The following CCNT1 variants were observed in gnomAD, a reference collection of about 807,000 sequenced individuals.
The protein encoded by CCNT1 is cyclin T1.
A neutral mutation model predicts 67.3 loss-of-function variants in CCNT1; 18 were observed. The ratio of observed to expected loss-of-function variants is 0.27; its 90% CI spans 0.18 to 0.40. The LOEUF is 0.40. Ranked by LOEUF, CCNT1 falls within the 10% of genes least tolerant of loss-of-function variation. The probability of loss-of-function intolerance (pLI) is 1.00; values close to 1 mark genes in which losing one functional copy is unlikely to be tolerated. For missense variants in CCNT1, 744 were observed against 884.9 expected (o/e 0.84, Z 2.02); for synonymous variants, 333 against 310.3 (o/e 1.07, Z -0.77).
At chr12:48,698,313 C>T (rs763915072) in intron 5 of CCNT1, 130 bp from the exon 6 acceptor site, 46 of 590,538 alleles carry the variant, frequency 7.8e-5, no homozygotes, top group Middle Eastern at 3.1e-4. Flanking sequence ...ATGAGACACA[C>T]ATGGTCCCTG....
chr12:48,700,516 A>G (rs1042404973), intron 4 of CCNT1, among the ~76,000 whole-genome samples: 1 of 152,086 alleles, frequency 6.6e-6, no homozygotes, highest in African/African-American at 2.4e-5. Context: ...AAAAATCTGT[A>G]TTTTCATATT....
Position 48,707,431 on chromosome 12 carries a change from C to T in CCNT1, c.244-1535G>A, listed in dbSNP as rs762239150. Among the ~76,000 whole-genome samples, 12 of 151,870 alleles carry T rather than the reference C, an allele frequency of 7.9e-5. No individual in the cohort carries two copies. The South Asian group carries it at 8.3e-4, about 11-fold the overall frequency. On this transcript the variant is annotated intron_variant, in intron 2 of 8. Transcript: ENST00000261900. ...CGAAGTAGCTGGGATCACAGGCACA[C>T]GCCACCACACCCAGTTAATTTATTT...
rs1477256318 is a variant in CCNT1 at position 48,693,077 on chromosome 12, G to C, written c.2137C>G (p.Leu713Val). 4 of 1,613,252 alleles carry C rather than the reference G, an allele frequency of 2.5e-6. No individual in the cohort carries two copies. Among genetic ancestry groups the C allele is most frequent in the African/African-American group, 1.3e-5 (1 of 74,894 alleles). ...GNTDKPRPPP[L>V]PSEPPPPLPP... ...AGTGGTGGAGGAGGTTCTGATGGCA[G>C]AGGTGGTGGCCGGGGTTTGTCTGTA... Residue 713 changes from leucine (L) to valine (V), a missense_variant, in exon 9 of 9, where the codon CTG (leucine) becomes GTG (valine). This residue lies in a region of CCNT1 where 564 missense variants were observed against 574.2 expected (regional missense o/e 0.98). Transcript: ENST00000261900.
intron 3 of CCNT1, among the ~76,000 whole-genome samples, chr12:48,701,399 T>C (rs1429451672): frequency 3.3e-5 from 5 of 151,260 alleles, no homozygotes; most frequent in Non-Finnish European, 7.4e-5. Flanking sequence ...CTAATTTTTT[T>C]GTGAAATACA....
At position 48,693,677 on chromosome 12, in the gene CCNT1, G is replaced by C. The variant is rs747030494; in HGVS notation, c.1537C>G (p.His513Asp). 1 of 1,614,120 alleles carries C rather than the reference G, an allele frequency of 6.2e-7. No individual in the cohort carries two copies. The highest frequency in any genetic ancestry group is 1.7e-5 in the Admixed American group (1 of 60,018). Residue 513 changes from histidine to aspartate, a missense_variant, in exon 9 of 9, where the codon CAC becomes GAC. Around this residue, in one of 3 missense-constraint regions of CCNT1, gnomAD observed 564 missense variants for 574.2 expected, o/e 0.98. Transcript: ENST00000261900. ...TGATGATGATGATGATTAGATGGGT[G>C]AGTCTTGTGCTTTTCTTTGTGCTCT... ...SREHKEKHKTHPSNHHHHHNH... is the reference protein window; with the variant it reads ...SREHKEKHKTDPSNHHHHHNH...
intron 1 of CCNT1, among the ~76,000 whole-genome samples, chr12:48,715,714 C>T (rs368213907): frequency 6.6e-6 from 1 of 152,182 alleles, no homozygotes; most frequent in African/African-American, 2.4e-5. Context: ...CCACCCGCCT[C>T]GGCCTCCCAA....
Position 48,694,265 on chromosome 12 carries a change from C to T in CCNT1, c.949G>A (p.Glu317Lys), listed in dbSNP as rs768066318. 3.7e-6 allele frequency: 6 copies of T among 1,614,054 alleles called. No individual in the cohort carries two copies. Among genetic ancestry groups the T allele is most frequent in the African/African-American group, 2.7e-5 (2 of 74,922 alleles). Reference sequence around the variant, plus strand: ...CTGGTTAAGTTGCTGGATGACTCTTCGGAGACTGGCAGGGAAGGCACTGCA... The same window carrying T: ...CTGGTTAAGTTGCTGGATGACTCTTTGGAGACTGGCAGGGAAGGCACTGCA... The part of the protein sequence containing the change: ...TSAVPSLPVS[E>K]ESSSNLTSVE... Residue 317 changes from glutamate (E) to lysine (K), a missense_variant, in exon 9 of 9, where the codon GAA becomes AAA. Around this residue, in one of 3 missense-constraint regions of CCNT1, gnomAD observed 564 missense variants for 574.2 expected, o/e 0.98. Coordinates refer to ENST00000261900, the MANE Select transcript of CCNT1 (RefSeq NM_001240.4).
rs1216537434 is a variant in CCNT1 at position 48,693,681 on chromosome 12, C to T, written c.1533G>A (p.Lys511=). Residue 511 remains lysine, a synonymous_variant, in exon 9 of 9, where the codon AAG becomes AAA. Transcript: ENST00000261900. ...GATGATGATGATTAGATGGGTGAGT[C>T]TTGTGCTTTTCTTTGTGCTCTCGGC... ...TKSREHKEKH[K]THPSNHHHHH... 6.2e-7 allele frequency: 1 copy of T among 1,614,108 alleles called. No individual in the cohort carries two copies. Among genetic ancestry groups the T allele is most frequent in the Non-Finnish European group, 8.5e-7 (1 of 1,180,012 alleles).
intron 8 of CCNT1, 53 bp downstream of exon 8, chr12:48,695,706 T>A: frequency 8.3e-7 from 1 of 1,202,152 alleles, no homozygotes; most frequent in Non-Finnish European, 1.2e-6. Flanking sequence ...TATTCACTGG[T>A]GCAGTCAAAA....
chr12:48,693,562 G>A lies in CCNT1; in HGVS notation c.1652C>T (p.Thr551Ile). The A allele has an allele frequency of 1.2e-6, 2 of 1,614,146 alleles. No homozygotes were observed. Among genetic ancestry groups the A allele is most frequent in the East Asian group, 2.2e-5 (1 of 44,876 alleles). ...ATAGGTTTTATGTGCTAAGTTGCTT[G>A]TCTGGCTACTATGTTTTGGATCACC... is the stretch of plus-strand genomic sequence containing the variant. ...RPGDPKHSSQ[T>I]SNLAHKTYSL... Residue 551 changes from threonine to isoleucine, a missense_variant, in exon 9 of 9, where the codon ACA becomes ATA. Physicochemically the swap from Thr to Ile is moderately conservative, Grantham distance 89. Coordinates refer to ENST00000261900, the MANE Select transcript of CCNT1 (RefSeq NM_001240.4).
In CCNT1 at chr12:48,708,363, G is replaced by A. The variant is rs538330345; in HGVS notation, c.244-2467C>T. Among the ~76,000 whole-genome samples, 9 of 152,048 alleles carry A rather than the reference G, an allele frequency of 5.9e-5. No individual in the cohort carries two copies. The South Asian group carries it at 6.2e-4, about 11-fold the overall frequency. On this transcript the variant is annotated intron_variant, in intron 2 of 8. Coordinates refer to ENST00000261900, the MANE Select transcript of CCNT1 (RefSeq NM_001240.4). ...GGAGTTCAAGAACAGCCTGGACAAC[G>A]TGGTAAAACTCCATATCTACTAAAA...
intron 4 of CCNT1, 63 bp from the exon 5 acceptor site, chr12:48,699,903 A>G: frequency 7.8e-6 from 8 of 1,030,902 alleles, no homozygotes; most frequent in Non-Finnish European, 1.2e-5. Flanking sequence ...AAATTATTGT[A>G]AAAGGATAAC....
rs114285420 is a variant in CCNT1 at position 48,706,573 on chromosome 12, A to G, written c.244-677T>C. Among the ~76,000 whole-genome samples, 364 of 152,350 alleles carry G rather than the reference A, an allele frequency of 2.4e-3. 2 individuals are homozygous for G. Among genetic ancestry groups the G allele is most frequent in the African/African-American group, 8.2e-3 (343 of 41,582 alleles). ...TGAAGTCAATATAAAAGTAGATAACAAACTTTATAAAAGATTAAAGCAATA... is the reference window on the plus strand; with the variant it reads ...TGAAGTCAATATAAAAGTAGATAACGAACTTTATAAAAGATTAAAGCAATA... On this transcript the variant is annotated intron_variant, in intron 2 of 8. Transcript: ENST00000261900.
intron 2 of CCNT1, among the ~76,000 whole-genome samples, chr12:48,711,855 C>A (rs555782844): frequency 6.6e-6 from 1 of 152,166 alleles, no homozygotes; most frequent in African/African-American, 2.4e-5. Flanking sequence ...TGCAGTGGCA[C>A]GATCTCGGCT....
intron 5 of CCNT1, 44 bp downstream of exon 5, chr12:48,699,733 TG>T: frequency 7.1e-7 from 1 of 1,398,782 alleles, no homozygotes; most frequent in Non-Finnish European, 1.0e-6. Flanking sequence ...AACCTCTAAA[TG>T]GGAAAACAGC....
intron 3 of CCNT1, among the ~76,000 whole-genome samples, chr12:48,703,100 G>A (rs1467250951): frequency 6.6e-6 from 1 of 151,542 alleles, no homozygotes; most frequent in African/African-American, 2.4e-5. Flanking sequence ...CCGTAGATGG[G>A]ACCATCTAGT....
At position 48,691,195 on chromosome 12, in the gene CCNT1, A is replaced by G. The variant is rs1414497160; in HGVS notation, c.*1838T>C. 1 of 152,228 alleles carries G rather than the reference A, an allele frequency of 6.6e-6. No homozygotes were observed. Among genetic ancestry groups the G allele is most frequent in the Non-Finnish European group, 1.5e-5 (1 of 68,050 alleles). 9.4% of individuals were successfully genotyped at this position (152,228 alleles called of 1,614,324 possible). A position where few individuals can be genotyped will look rare whatever the true frequency, so the allele number is the denominator to read the frequency against. Reference sequence around the variant, plus strand: ...AGATGCAGGGCACTAACCCACCGTCAGTTAACGTTTACTCCTGCCTACAAA... The same window carrying G: ...AGATGCAGGGCACTAACCCACCGTCGGTTAACGTTTACTCCTGCCTACAAA... On this transcript the variant is annotated 3_prime_UTR_variant, in exon 9 of 9. Transcript: ENST00000261900.
In CCNT1 at chr12:48,695,790, G is replaced by T; in HGVS notation, c.746C>A (p.Pro249His). 6.2e-7 allele frequency: 1 copy of T among 1,612,902 alleles called. No individual in the cohort carries two copies. Among genetic ancestry groups the T allele is most frequent in the Non-Finnish European group, 8.5e-7 (1 of 1,178,960 alleles). Residue 249 changes from proline (P) to histidine (H), a missense_variant, in exon 8 of 9, where the codon CCC becomes CAC. This residue lies in a region of CCNT1 where 142 missense variants were observed against 277.0 expected (regional missense o/e 0.51). Transcript: ENST00000261900. ...ATTCCAAATGCGTTTGAGCCTGTTGGGAGTTTTCTCCAAAATCTGTAGAAA... is the reference window on the plus strand; with the variant it reads ...ATTCCAAATGCGTTTGAGCCTGTTGTGAGTTTTCTCCAAAATCTGTAGAAA... The part of the protein sequence containing the change: ...HEFLQILEKT[P>H]NRLKRIWNWR...
At chr12:48,709,650 A>G (rs374132885) in intron 2 of CCNT1, among the ~76,000 whole-genome samples, 95 of 152,350 alleles carry the variant, frequency 6.2e-4, no homozygotes, top group African/African-American at 2.1e-3. Context: ...AAGATGTCCA[A>G]TACATACTGT....
Sources: gnomAD v4.1 joint callset for allele counts (sites outside exome capture counted in the v4.1 genomes callset) on GRCh38, gnomAD v4.1.1 for gene constraint, gnomAD v4.1.1 regional missense constraint, MANE v1.5 for transcripts, NCBI Gene and HGNC (gene_info 2026-07-23, HGNC 2026-07-21) for gene names.